Variants in WDR70 observed in about 807,000 individuals in gnomAD.
WDR70 encodes the protein WD repeat-containing protein 70.
WDR70 carries 53 observed loss-of-function variants against 88.6 expected under a neutral mutation model. That is an observed-to-expected ratio of 0.60 (90% CI 0.48 to 0.75). The LOEUF (loss-of-function observed/expected upper bound fraction) is 0.75. Among genes scored for constraint, WDR70 ranks in the 30% least tolerant of loss-of-function variants. The pLI is 0.00. For synonymous variants in WDR70, 280 were observed against 270.0 expected (o/e 1.04, Z -0.36); for missense variants, 610 against 823.2 (o/e 0.74, Z 3.17).
intron 5 of WDR70, among the ~76,000 whole-genome samples, chr5:37,405,004 C>T (rs1749310008): frequency 6.6e-6 from 1 of 152,050 alleles, no homozygotes; most frequent in Non-Finnish European, 1.5e-5. Context: ...GCCAGGTCAG[C>T]TCTGTTTTTA....
At chr5:37,408,999 T>C (rs1165635943) in intron 5 of WDR70, among the ~76,000 whole-genome samples, 1 of 152,086 alleles carries the variant, frequency 6.6e-6, no homozygotes, top group African/African-American at 2.4e-5. Context: ...AGTGCAATGG[T>C]GTGATCTTGG....
chr5:37,477,116 C>T (rs1739509964), intron 7 of WDR70, among the ~76,000 whole-genome samples: 1 of 152,182 alleles, frequency 6.6e-6, no homozygotes, highest in African/African-American at 2.4e-5. Context: ...AGTCAGTATT[C>T]ATAACTTATT....
intron 5 of WDR70, among the ~76,000 whole-genome samples, chr5:37,414,494 C>T (rs1245364588): frequency 6.6e-6 from 1 of 152,168 alleles, no homozygotes. Flanking sequence ...CCCCATCCCA[C>T]CTCTTTTCCT....
At chr5:37,536,358 A>T (rs943615376) in intron 9 of WDR70, among the ~76,000 whole-genome samples, 19 of 152,210 alleles carry the variant, frequency 1.2e-4, no homozygotes, top group Non-Finnish European at 2.8e-4. Context: ...AGTATGTTGG[A>T]TTTGGCACAT....
chr5:37,514,350 ATATATATATG>A (rs1185310303), intron 8 of WDR70, among the ~76,000 whole-genome samples: 1 of 62,782 alleles, frequency 1.6e-5, no homozygotes, highest in Non-Finnish European at 4.4e-5. Flanking sequence ...ATATATATAT[ATATATATATG>A]TATGTATGTA....
chr5:37,495,218 T>C (rs1306519319), intron 8 of WDR70, among the ~76,000 whole-genome samples: 1 of 152,244 alleles, frequency 6.6e-6, no homozygotes, highest in Non-Finnish European at 1.5e-5. Flanking sequence ...GAATGGACTC[T>C]AGTTAAGAAG....
chr5:37,728,159 C>T (rs1188053549), intron 17 of WDR70, among the ~76,000 whole-genome samples: 6 of 151,772 alleles, frequency 4.0e-5, no homozygotes, highest in Non-Finnish European at 1.5e-5. Flanking sequence ...ACCAGCCTGG[C>T]CAACATGGTG....
chr5:37,444,899 G>T (rs535115866), intron 7 of WDR70, among the ~76,000 whole-genome samples: 1 of 152,162 alleles, frequency 6.6e-6, no homozygotes, highest in East Asian at 1.9e-4. Flanking sequence ...CCTCACATGC[G>T]CATTTCACAA....
chr5:37,468,643 A>G (rs2112126679), intron 7 of WDR70, among the ~76,000 whole-genome samples: 1 of 152,270 alleles, frequency 6.6e-6, no homozygotes, highest in African/African-American at 2.4e-5. Context: ...TATATAATAC[A>G]TTATTGTTAA....
chr5:37,493,913 G>A (rs146897809), intron 8 of WDR70, among the ~76,000 whole-genome samples: 19 of 151,172 alleles, frequency 1.3e-4, no homozygotes, highest in African/African-American at 3.4e-4. Flanking sequence ...CTGTCTCCTC[G>A]GTTCTAGCAA....
chr5:37,685,726 C>T (rs1746571002), intron 10 of WDR70, among the ~76,000 whole-genome samples: 1 of 152,166 alleles, frequency 6.6e-6, no homozygotes, highest in Non-Finnish European at 1.5e-5. Flanking sequence ...CTTTTCTGAG[C>T]AGCTCTCCCT....
chr5:37,739,019 C>T (rs1161081407), intron 17 of WDR70, among the ~76,000 whole-genome samples: 1 of 152,208 alleles, frequency 6.6e-6, no homozygotes, highest in Non-Finnish European at 1.5e-5. Flanking sequence ...CTAATCTGCT[C>T]TCCTTTTCTT....
intron 9 of WDR70, among the ~76,000 whole-genome samples, chr5:37,565,637 T>C (rs1281030351): frequency 6.6e-6 from 1 of 152,160 alleles, no homozygotes; most frequent in African/African-American, 2.4e-5. Flanking sequence ...CAACTGTTAA[T>C]TCCCAGGAAA....
intron 10 of WDR70, among the ~76,000 whole-genome samples, chr5:37,620,614 T>TC (rs906988121): frequency 1.2e-4 from 18 of 152,164 alleles, no homozygotes; most frequent in Non-Finnish European, 2.6e-4. Flanking sequence ...CAGTGTGCAC[T>TC]CCATTTTTTT....
intron 10 of WDR70, among the ~76,000 whole-genome samples, chr5:37,679,402 G>GA (rs1032985194): frequency 1.6e-3 from 5 of 3,086 alleles, no homozygotes; most frequent in African/African-American, 1.8e-3. Flanking sequence ...ATGTACAGAT[G>GA]GGTTTTGGTG....
chr5:37,479,265 T>A (rs774307065), intron 7 of WDR70, among the ~76,000 whole-genome samples: 2 of 151,832 alleles, frequency 1.3e-5, no homozygotes, highest in Non-Finnish European at 2.9e-5. Context: ...TTGGTTGGGT[T>A]GGAGATATAA....
chr5:37,724,693 A>G (rs760232098), intron 15 of WDR70: 8 of 412,562 alleles, frequency 1.9e-5, no homozygotes, highest in Non-Finnish European at 3.5e-5. Context: ...AGCCTCACCG[A>G]TGTTTCCATG....
intron 9 of WDR70, among the ~76,000 whole-genome samples, chr5:37,530,098 A>G (rs1457858096): frequency 6.6e-6 from 1 of 151,988 alleles, no homozygotes; most frequent in Non-Finnish European, 1.5e-5. Context: ...TTTTGTTTTT[A>G]ATTCTGTTTA....
At chr5:37,523,578 C>T (rs546632761) in intron 9 of WDR70, among the ~76,000 whole-genome samples, 1 of 152,138 alleles carries the variant, frequency 6.6e-6, no homozygotes, top group Non-Finnish European at 1.5e-5. Context: ...AGCGCCTCTC[C>T]CCCTCCAAAG....
Sources: gnomAD v4.1 joint callset for allele counts (sites outside exome capture counted in the v4.1 genomes callset) on GRCh38, gnomAD v4.1.1 for gene constraint, MANE v1.5 for transcripts, NCBI Gene and HGNC (gene_info 2026-07-23, HGNC 2026-07-21) for gene names.